PCDH15: variants seen among roughly 807,000 people sequenced by gnomAD.
PCDH15 encodes the protein protocadherin-15.
PCDH15 carries 129 observed loss-of-function variants against 178.5 expected under a neutral mutation model. The ratio of observed to expected loss-of-function variants is 0.72; its 90% CI spans 0.63 to 0.84. The LOEUF is 0.84. PCDH15 is among the 40% of genes least tolerant of loss of function. PCDH15 has a pLI of 0.00. For missense variants in PCDH15, 2,230 were observed against 2,099.9 expected, an observed-to-expected ratio of 1.06 and a Z score of -1.21; for synonymous variants, 800 against 732.0, an observed-to-expected ratio of 1.09 and a Z score of -1.50.
At chr10:53,903,405 G>C in intron 25 of PCDH15, 35 bp from the exon 26 acceptor site, 1 of 1,608,266 alleles carries the variant, frequency 6.2e-7, no homozygotes, top group Non-Finnish European at 8.5e-7. Context: ...TTTTATTGGT[G>C]GTTATTCATG....
chr10:55,432,334 G>T (rs917676220), intron 2 of PCDH15, among the ~76,000 whole-genome samples: 1 of 152,206 alleles, frequency 6.6e-6, no homozygotes, highest in African/African-American at 2.4e-5. Flanking sequence ...AGACAATATA[G>T]AAATGATGTT....
intron 2 of PCDH15, among the ~76,000 whole-genome samples, chr10:55,568,121 G>A (rs2132106647): frequency 6.6e-6 from 1 of 151,986 alleles, no homozygotes; most frequent in Admixed American, 6.6e-5. Context: ...GTTGTTAATA[G>A]CATTACTAAT....
At chr10:55,615,133 C>T (rs1479985252) in intron 2 of PCDH15, among the ~76,000 whole-genome samples, 2 of 151,978 alleles carry the variant, frequency 1.3e-5, no homozygotes, top group African/African-American at 2.4e-5. Flanking sequence ...CTTAAAAATA[C>T]AAATCATAAC....
intron 2 of PCDH15, among the ~76,000 whole-genome samples, chr10:54,929,278 A>G (rs568467091): frequency 1.3e-5 from 2 of 152,040 alleles, no homozygotes; most frequent in Non-Finnish European, 2.9e-5. Flanking sequence ...TGCCTACTCA[A>G]TGTAAGGAGT....
At chr10:54,558,426 G>A (rs541818854) in intron 2 of PCDH15, among the ~76,000 whole-genome samples, 29 of 152,020 alleles carry the variant, frequency 1.9e-4, no homozygotes, top group African/African-American at 2.6e-4. Flanking sequence ...CATGCATCTC[G>A]CTCTGCCCAC....
At chr10:54,527,310 T>C (rs953334993) in intron 3 of PCDH15, among the ~76,000 whole-genome samples, 37 of 152,142 alleles carry the variant, frequency 2.4e-4, no homozygotes, top group Admixed American at 9.2e-4. Flanking sequence ...TCAGACTTCT[T>C]TCTCTGCTCT....
chr10:54,500,754 C>T lies in PCDH15; in HGVS notation c.157+27058G>A, dbSNP rs115424873. On this transcript the variant is annotated intron_variant, in intron 3 of 37. Transcript: ENST00000644397. ...ATGAGGCAGAAGAATCACTTGAACC[C>T]AGGCAAGAGAGGTTGCTGAGATCAT... Among the ~76,000 whole-genome samples the T allele has an allele frequency of 3.4e-3, 515 of 152,154 alleles. 3 individuals are homozygous for T. Among genetic ancestry groups the T allele is most frequent in the African/African-American group, 0.012 (489 of 41,534 alleles).
At chr10:54,518,517 G>T (rs531971660) in intron 3 of PCDH15, among the ~76,000 whole-genome samples, 1 of 151,726 alleles carries the variant, frequency 6.6e-6, no homozygotes, top group Non-Finnish European at 1.5e-5. Flanking sequence ...CCAGGAAGAA[G>T]TTGAATCTCT....
chr10:55,151,509 A>G (rs1417165727), intron 2 of PCDH15, among the ~76,000 whole-genome samples: 1 of 152,060 alleles, frequency 6.6e-6, no homozygotes, highest in Admixed American at 6.6e-5. Flanking sequence ...TCATTAGTTA[A>G]CTCTTTTCCA....
intron 1 of PCDH15, among the ~76,000 whole-genome samples, chr10:55,205,274 C>T (rs1285519187): frequency 6.6e-6 from 1 of 151,576 alleles, no homozygotes; most frequent in Non-Finnish European, 1.5e-5. Flanking sequence ...ATAATATAAA[C>T]CTAAAGTATT....
intron 3 of PCDH15, among the ~76,000 whole-genome samples, chr10:54,513,499 ATATTATTTTC>A (rs1191373507): frequency 6.6e-6 from 1 of 152,098 alleles, no homozygotes; most frequent in Non-Finnish European, 1.5e-5. Flanking sequence ...GAATATTGTT[ATATTATTTTC>A]TATTATTTCA....
chr10:55,126,120 G>T (rs1385608098), intron 2 of PCDH15, among the ~76,000 whole-genome samples: 1 of 151,888 alleles, frequency 6.6e-6, no homozygotes. Context: ...TCCCTTTCCT[G>T]CTGCAACTCT....
rs1186028157 is a variant in PCDH15, at chr10:54,317,450, G to C, written c.706-9C>G. 1 of 1,613,308 alleles carries C rather than the reference G, an allele frequency of 6.2e-7. No individual in the cohort carries two copies. Among genetic ancestry groups the C allele is most frequent in the Non-Finnish European group, 8.5e-7 (1 of 1,179,594 alleles). On this transcript the variant is annotated splice_polypyrimidine_tract_variant and intron_variant, in intron 7 of 37. Coordinates refer to ENST00000644397, the MANE Select transcript of PCDH15 (RefSeq NM_001384140.1). Reference sequence around the variant, plus strand: ...AGATTTTGGGCACGGTCCTGTTAGGGAGAAAAACAAACAACAGGTAGTTTA... The same window carrying C: ...AGATTTTGGGCACGGTCCTGTTAGGCAGAAAAACAAACAACAGGTAGTTTA...
chr10:54,026,520 C>G (rs112339828), intron 18 of PCDH15, among the ~76,000 whole-genome samples: 1 of 152,174 alleles, frequency 6.6e-6, no homozygotes, highest in Admixed American at 6.5e-5. Context: ...AGTACACACA[C>G]ATTTTGACTG....
At chr10:53,854,938 TA>T (rs1432703681) in intron 28 of PCDH15, among the ~76,000 whole-genome samples, 2 of 152,060 alleles carry the variant, frequency 1.3e-5, no homozygotes, top group African/African-American at 4.8e-5. Context: ...ACCTGAAAGT[TA>T]CCTGATTTTT....
At chr10:55,312,970 C>T (rs1843626618) in intron 1 of PCDH15, among the ~76,000 whole-genome samples, 1 of 152,128 alleles carries the variant, frequency 6.6e-6, no homozygotes, top group African/African-American at 2.4e-5. Context: ...CTGTATTTAG[C>T]ACAGAACTAT....
chr10:55,574,197 T>G (rs913055425), intron 2 of PCDH15, among the ~76,000 whole-genome samples: 2 of 152,054 alleles, frequency 1.3e-5, no homozygotes, highest in Non-Finnish European at 2.9e-5. Flanking sequence ...TATAACTGGA[T>G]AGTTTTCTCT....
chr10:55,468,630 T>C (rs1180316661), intron 2 of PCDH15: 1 of 152,232 alleles, frequency 6.6e-6, no homozygotes, highest in South Asian at 2.1e-4. Context: ...TTTTGGGTTA[T>C]TGTTAATTGT....
chr10:54,819,823 T>C (rs1953007186), intron 3 of PCDH15, among the ~76,000 whole-genome samples: 1 of 152,052 alleles, frequency 6.6e-6, no homozygotes, highest in Non-Finnish European at 1.5e-5. Context: ...GTAGATCATG[T>C]AGATCATGAC....
Sources: gnomAD v4.1 joint callset for allele counts (sites outside exome capture counted in the v4.1 genomes callset) on GRCh38, gnomAD v4.1.1 for gene constraint, MANE v1.5 for transcripts, NCBI Gene and HGNC (gene_info 2026-07-23, HGNC 2026-07-21) for gene names.